Variants in DISP1 observed in about 807,000 individuals in gnomAD.
DISP1 encodes the protein dispatched RND transporter family member 1.
Under a neutral mutation model 37.3 loss-of-function variants are expected in DISP1, and 30 were observed. The observed-to-expected ratio is 0.80, with a 90% confidence interval of 0.60 to 1.09. DISP1 has a LOEUF of 1.09. Among genes scored for constraint, DISP1 ranks in the 50% least tolerant of loss-of-function variants. The pLI, the probability that DISP1 is intolerant of heterozygous loss-of-function variation, is 0.00. For missense variants in DISP1, 1,598 were observed against 1,879.5 expected (o/e 0.85, Z 2.77); for synonymous variants, 634 against 690.2 (o/e 0.92, Z 1.28).
chr1:222,936,766 A>ATAT (rs1673806570), intron 2 of DISP1, among the ~76,000 whole-genome samples: 1 of 74,812 alleles, frequency 1.3e-5, no homozygotes, highest in Non-Finnish European at 2.5e-5. Flanking sequence ...GATATATAAA[A>ATAT]ATTATATATA....
chr1:222,867,766 T>G (rs969549425), intron 1 of DISP1, among the ~76,000 whole-genome samples: 27 of 152,320 alleles, frequency 1.8e-4, no homozygotes, highest in African/African-American at 5.8e-4. Flanking sequence ...ATAATTGACT[T>G]CTAACTGCCA....
chr1:222,957,145 TAAAAAA>T (rs35888809), intron 3 of DISP1, among the ~76,000 whole-genome samples: 22 of 103,268 alleles, frequency 2.1e-4, no homozygotes, highest in Admixed American at 1.9e-3. Context: ...TTTACTATTG[TAAAAAA>T]AAAAAAAAAA....
intron 1 of DISP1, among the ~76,000 whole-genome samples, chr1:222,885,517 A>G (rs1245859440): frequency 7.0e-6 from 1 of 143,270 alleles, no homozygotes; most frequent in African/African-American, 2.6e-5. Flanking sequence ...CACCCAGGCT[A>G]GGGTGCAGTG....
At chr1:222,960,328 C>T (rs1424263425) in intron 3 of DISP1, among the ~76,000 whole-genome samples, 1 of 152,092 alleles carries the variant, frequency 6.6e-6, no homozygotes, top group Non-Finnish European at 1.5e-5. Flanking sequence ...CACTAAAAAC[C>T]ACACAATTAC....
At chr1:222,940,968 AC>A (rs1674338247) in intron 2 of DISP1, among the ~76,000 whole-genome samples, 1 of 152,188 alleles carries the variant, frequency 6.6e-6, no homozygotes, top group African/African-American at 2.4e-5. Flanking sequence ...TTTTTAAAAA[AC>A]GTCCAGTGCT....
intron 1 of DISP1, among the ~76,000 whole-genome samples, chr1:222,891,833 A>G (rs1429264752): frequency 6.6e-6 from 1 of 152,110 alleles, no homozygotes; most frequent in African/African-American, 2.4e-5. Context: ...TTGAGGAGTA[A>G]AAGGCCAATG....
intron 1 of DISP1, among the ~76,000 whole-genome samples, chr1:222,913,259 T>G (rs1329548643): frequency 6.6e-6 from 1 of 152,180 alleles, no homozygotes; most frequent in South Asian, 2.1e-4. Flanking sequence ...ACCAAATTAT[T>G]TTATAGGATA....
intron 1 of DISP1, among the ~76,000 whole-genome samples, chr1:222,820,880 C>T (rs573810124): frequency 6.6e-6 from 1 of 152,320 alleles, no homozygotes; most frequent in African/African-American, 2.4e-5. Flanking sequence ...TACTAGAAGA[C>T]ATCACTAGAA....
chr1:222,994,486 A>G (rs1678920764), intron 7 of DISP1, among the ~76,000 whole-genome samples: 1 of 152,148 alleles, frequency 6.6e-6, no homozygotes, highest in South Asian at 2.1e-4. Context: ...TGCCAGGGAG[A>G]ACATCCCTAT....
intron 3 of DISP1, among the ~76,000 whole-genome samples, chr1:222,944,054 C>CA (rs202069955): frequency 6.9e-4 from 104 of 151,604 alleles, no homozygotes; most frequent in Non-Finnish European, 1.3e-3. Flanking sequence ...ACAACAACAA[C>CA]AACAAAAAAA....
chr1:222,998,760 C>T (rs867883876), intron 8 of DISP1, among the ~76,000 whole-genome samples: 1 of 152,140 alleles, frequency 6.6e-6, no homozygotes, highest in Non-Finnish European at 1.5e-5. Flanking sequence ...TCTGAGGACT[C>T]AGCTTGTAAA....
At chr1:222,883,685 T>C (rs1670408546) in intron 1 of DISP1, among the ~76,000 whole-genome samples, 5 of 152,182 alleles carry the variant, frequency 3.3e-5, no homozygotes, top group Admixed American at 2.6e-4. Context: ...AAGAGAGAGG[T>C]GCACAGGCAT....
chr1:222,915,146 C>T (rs1353770312), intron 1 of DISP1, among the ~76,000 whole-genome samples: 1 of 152,208 alleles, frequency 6.6e-6, no homozygotes, highest in Non-Finnish European at 1.5e-5. Context: ...ATTGCAAATA[C>T]AGTCAGAGAT....
chr1:222,817,149 A>C (rs780416011), intron 1 of DISP1, among the ~76,000 whole-genome samples: 5 of 152,210 alleles, frequency 3.3e-5, no homozygotes, highest in Non-Finnish European at 5.9e-5. Context: ...TTGTTTAGTA[A>C]ATTTAGCTTT....
intron 1 of DISP1, among the ~76,000 whole-genome samples, chr1:222,914,036 G>C (rs537935614): frequency 7.5e-4 from 110 of 146,888 alleles, no homozygotes; most frequent in African/African-American, 2.7e-3. Flanking sequence ...GCTTACATAG[G>C]TTTTCTCTAA....
intron 1 of DISP1, among the ~76,000 whole-genome samples, chr1:222,926,251 G>T (rs1673078155): frequency 1.3e-5 from 2 of 152,114 alleles, no homozygotes; most frequent in South Asian, 4.1e-4. Flanking sequence ...ATGTATCAGT[G>T]CTTCATTATT....
intron 1 of DISP1, among the ~76,000 whole-genome samples, chr1:222,858,119 C>T (rs747725040): frequency 8.5e-5 from 13 of 152,096 alleles, no homozygotes; most frequent in Non-Finnish European, 1.5e-4. Context: ...ATACAGAACT[C>T]AGAAATAAGA....
intron 1 of DISP1, among the ~76,000 whole-genome samples, chr1:222,857,383 C>T (rs563964755): frequency 3.9e-5 from 6 of 152,294 alleles, no homozygotes; most frequent in South Asian, 2.1e-4. Flanking sequence ...GACAAGGATG[C>T]TATCTCTCAC....
intron 1 of DISP1, among the ~76,000 whole-genome samples, chr1:222,909,946 G>C (rs757732307): frequency 5.9e-5 from 9 of 152,176 alleles, no homozygotes; most frequent in Non-Finnish European, 1.3e-4. Flanking sequence ...GCCTGGGGCT[G>C]TGGTCTTATT....
Sources: gnomAD v4.1 joint callset for allele counts (sites outside exome capture counted in the v4.1 genomes callset) on GRCh38, gnomAD v4.1.1 for gene constraint, MANE v1.5 for transcripts, NCBI Gene and HGNC (gene_info 2026-07-23, HGNC 2026-07-21) for gene names.